The following TFIP11 variants were observed in gnomAD, a reference collection of about 807,000 sequenced individuals.
TFIP11 encodes the protein tuftelin-interacting protein 11.
TFIP11 carries 86 observed loss-of-function variants against 96.8 expected under a neutral mutation model. That is an observed-to-expected ratio of 0.89 (90% CI 0.75 to 1.06). The LOEUF (loss-of-function observed/expected upper bound fraction) is 1.06. Among genes scored for constraint, TFIP11 ranks in the 50% least tolerant of loss-of-function variants. The pLI is 0.00. For missense variants in TFIP11, 881 were observed against 1,076.7 expected, an observed-to-expected ratio of 0.82 and a Z score of 2.54; for synonymous variants, 405 against 395.2, an observed-to-expected ratio of 1.02 and a Z score of -0.29.
Position 26,508,470 on chromosome 22 carries a change from C to T in TFIP11, c.210-1542G>A, listed in dbSNP as rs141714683. Among the ~76,000 whole-genome samples the T allele has an allele frequency of 1.0e-3, 156 of 152,312 alleles. 1 individual carries two copies. Among genetic ancestry groups the T allele is most frequent in the African/African-American group, 3.7e-3 (153 of 41,572 alleles). ...CTTATGATTATGCAATTCTTGTTCC[C>T]TGATCTATTTGTCATCCACTTTCAG... On this transcript the variant is annotated intron_variant, in intron 4 of 14. Coordinates refer to ENST00000407690, the MANE Select transcript of TFIP11 (RefSeq NM_012143.4).
At chr22:26,501,128 G>A (rs1000461734) in intron 8 of TFIP11, among the ~76,000 whole-genome samples, 5 of 152,020 alleles carry the variant, frequency 3.3e-5, no homozygotes, top group Non-Finnish European at 5.9e-5. Flanking sequence ...TGATCTGCCC[G>A]CCTAGGCCTC....
intron 13 of TFIP11, chr22:26,494,583 T>C: frequency 1.3e-6 from 1 of 750,588 alleles, no homozygotes; most frequent in African/African-American, 1.8e-5. Context: ...TGAGAGGAGC[T>C]GAGATAAAGC....
intron 2 of TFIP11, among the ~76,000 whole-genome samples, chr22:26,511,469 G>A (rs1007922877): frequency 3.3e-5 from 5 of 152,170 alleles, no homozygotes; most frequent in African/African-American, 1.2e-4. Flanking sequence ...TTGACACTCA[G>A]TATTTACCAT....
At chr22:26,498,645 G>T (rs1259450237) in intron 10 of TFIP11, 2 of 452,142 alleles carry the variant, frequency 4.4e-6, no homozygotes, top group Non-Finnish European at 8.0e-6. Context: ...ACTTACTCAT[G>T]TAACCAAATA....
intron 12 of TFIP11, among the ~76,000 whole-genome samples, chr22:26,495,572 A>T (rs778808404): frequency 1.3e-5 from 1 of 75,898 alleles, no homozygotes; most frequent in South Asian, 6.3e-4. Context: ...ACACATATAT[A>T]TATGTGTGTG....
chr22:26,496,723 C>A lies in TFIP11; in HGVS notation c.1603G>T (p.Glu535Ter). 6.2e-7 allele frequency: 1 copy of A among 1,613,854 alleles called. No homozygotes were observed. The highest frequency in any genetic ancestry group is 8.5e-7 in the Non-Finnish European group (1 of 1,179,754). The change falls in exon 11 of 15, where the codon GAG becomes TAG. Residue 535 changes from glutamate to a stop codon, truncating the protein, a stop_gained and splice_region_variant. Coordinates refer to ENST00000407690, the MANE Select transcript of TFIP11 (RefSeq NM_012143.4). LOFTEE classifies it high-confidence loss of function. ...GTTTCCCATGACTCTCATCCCACCT[C>A]CTTTTGCAGCTTGGGGAAGATGAGT... The part of the protein sequence containing the change: ...DQLIFPKLQK[E>*]VENWNPLTDT...
intron 7 of TFIP11, 111 bp downstream of exon 7, chr22:26,503,555 T>C: frequency 7.3e-7 from 1 of 1,366,778 alleles, no homozygotes; most frequent in African/African-American, 1.4e-5. Context: ...GTACCTGGCA[T>C]ACGGTACATG....
chr22:26,501,487 C>A (rs75458213), intron 8 of TFIP11, among the ~76,000 whole-genome samples: 1 of 151,754 alleles, frequency 6.6e-6, no homozygotes, highest in African/African-American at 2.4e-5. Flanking sequence ...TGTCTAACAA[C>A]GGAGGTAGGA....
chr22:26,500,879 T>TA (rs60732260), intron 8 of TFIP11, among the ~76,000 whole-genome samples: 1 of 35,138 alleles, frequency 2.8e-5, no homozygotes, highest in African/African-American at 1.1e-4. Context: ...AACGGAAAAC[T>TA]TTTTTTTTTT....
Position 26,491,718 on chromosome 22 carries a change from C to A in TFIP11, c.*295G>T. ...TGTTGGCTGAGGTAGAAGCTGCCACCAGAGACTAAAGGGAAGGCTGCTATG... is the reference window on the plus strand; with the variant it reads ...TGTTGGCTGAGGTAGAAGCTGCCACAAGAGACTAAAGGGAAGGCTGCTATG... On this transcript the variant is annotated 3_prime_UTR_variant, in exon 15 of 15. Coordinates refer to ENST00000407690, the MANE Select transcript of TFIP11 (RefSeq NM_012143.4). 1 of 1,544,056 alleles carries A rather than the reference C, an allele frequency of 6.5e-7. No homozygotes were observed. The highest frequency in any genetic ancestry group is 8.8e-7 in the Non-Finnish European group (1 of 1,131,266).
intron 7 of TFIP11, among the ~76,000 whole-genome samples, chr22:26,503,355 C>G (rs917955925): frequency 2.6e-5 from 4 of 152,174 alleles, no homozygotes; most frequent in Non-Finnish European, 4.4e-5. Flanking sequence ...TTTCCTTTCC[C>G]AAAAGGTTTC....
At chr22:26,494,055 C>CAG (rs1921594628) in intron 14 of TFIP11, 84 bp downstream of exon 14, 2 of 1,521,182 alleles carry the variant, frequency 1.3e-6, no homozygotes, top group Non-Finnish European at 1.8e-6. Context: ...CTACAGGAAC[C>CAG]AGAAAACTCT....
chr22:26,499,440 C>T lies in TFIP11; in HGVS notation c.993G>A (p.Thr331=), dbSNP rs776074051. 27 of 1,614,062 alleles carry T rather than the reference C, an allele frequency of 1.7e-5. No individual in the cohort carries two copies. The East Asian group carries it at 2.0e-4, about 12-fold the overall frequency. ...EHNLQLLIDL[T]EQEIIQNDRQ... ...GGTCATTCTGGATGATCTCCTGCTC[C>T]GTGAGGTCGATGAGCAGCTGCAGGT... is the stretch of plus-strand genomic sequence containing the variant. Residue 331 remains threonine (T), a synonymous_variant, in exon 9 of 15, where the codon ACG becomes ACA. Transcript: ENST00000407690.
In TFIP11 at chr22:26,495,076, C is replaced by T. The variant is rs532899873; in HGVS notation, c.1850-137G>A. The T allele has an allele frequency of 5.1e-5, 59 of 1,163,232 alleles. No individual in the cohort carries two copies. The South Asian group carries it at 7.9e-4, about 16-fold the overall frequency. 72.1% of individuals were successfully genotyped at this position (1,163,232 alleles called of 1,614,324 possible). The stretch of plus-strand genomic sequence containing the variant: ...TCCCGGGTTCAAGTGACTCTTGTGC[C>T]TCAGCCTCCCGAGTAGCTGGGAGTA... On this transcript the variant is annotated intron_variant, in intron 12 of 14. Coordinates refer to ENST00000407690, the MANE Select transcript of TFIP11 (RefSeq NM_012143.4).
At chr22:26,501,097 G>A (rs569971242) in intron 8 of TFIP11, among the ~76,000 whole-genome samples, 62 of 151,840 alleles carry the variant, frequency 4.1e-4, no homozygotes, top group Admixed American at 2.2e-3. Flanking sequence ...GTTACAGGAC[G>A]GTCTCGATCT....
intron 14 of TFIP11, chr22:26,493,676 AACTC>A (rs1921521582): frequency 5.9e-6 from 1 of 170,646 alleles, no homozygotes; most frequent in Non-Finnish European, 1.3e-5. Context: ...CACAAGCATG[AACTC>A]ACTCTCCCTT....
At chr22:26,501,785 C>CAAA (rs371327421) in intron 8 of TFIP11, 115 bp downstream of exon 8, 42 of 261,536 alleles carry the variant, frequency 1.6e-4, no homozygotes, top group East Asian at 4.9e-4. Context: ...AGCAAGGTAC[C>CAAA]AAAAAAAAAA....
At chr22:26,510,501 T>A in intron 3 of TFIP11, 116 bp downstream of exon 3, 1 of 547,452 alleles carries the variant, frequency 1.8e-6, no homozygotes, top group Non-Finnish European at 3.3e-6. Context: ...TAACAGTCTA[T>A]GATTCTTTAA....
intron 7 of TFIP11, 141 bp downstream of exon 7, chr22:26,503,525 T>C: frequency 9.7e-7 from 1 of 1,031,836 alleles, no homozygotes; most frequent in Non-Finnish European, 1.4e-6. Context: ...CTCATCATGG[T>C]GCACCTAGCC....
Sources: allele counts gnomAD v4.1 joint callset (sites outside exome capture counted in the v4.1 genomes callset), GRCh38; gene constraint gnomAD v4.1.1; transcripts MANE v1.5; gene names NCBI Gene and HGNC (gene_info 2026-07-23, HGNC 2026-07-21).